Variants in PIP4K2A observed in about 807,000 individuals in gnomAD.
The protein encoded by PIP4K2A is phosphatidylinositol 5-phosphate 4-kinase type-2 alpha.
Under a neutral mutation model 42.9 loss-of-function variants are expected in PIP4K2A, and 14 were observed. The observed-to-expected ratio is 0.33, with a 90% CI of 0.22 to 0.51. The LOEUF (loss-of-function observed/expected upper bound fraction) is 0.51. Among genes scored for constraint, PIP4K2A ranks in the 20% least tolerant of loss-of-function variants. The probability of loss-of-function intolerance (pLI) is 0.97; values close to 1 mark genes in which losing one functional copy is unlikely to be tolerated. For missense variants in PIP4K2A, 434 were observed against 519.8 expected, an observed-to-expected ratio of 0.83 and a Z score of 1.61; for synonymous variants, 192 against 192.2, an observed-to-expected ratio of 1.00 and a Z score of 0.01.
chr10:22,560,710 A>C (rs1836669081), intron 6 of PIP4K2A, among the ~76,000 whole-genome samples: 1 of 152,246 alleles, frequency 6.6e-6, no homozygotes, highest in Non-Finnish European at 1.5e-5. Flanking sequence ...GTATGTTAAA[A>C]GGGATCTTCT....
Position 22,646,622 on chromosome 10 carries a change from T to C in PIP4K2A, c.145-36905A>G, listed in dbSNP as rs114911983. Among the ~76,000 whole-genome samples, 384 of 152,262 alleles carry C rather than the reference T, an allele frequency of 2.5e-3. 1 individual carries two copies. Among genetic ancestry groups the C allele is most frequent in the African/African-American group, 8.9e-3 (370 of 41,556 alleles). The stretch of plus-strand genomic sequence containing the variant: ...GAGAATAGTTGTTTAGAAGGCTAAT[T>C]TGGTTATCAGAGAGTAAAAGCCACA... On this transcript the variant is annotated intron_variant, in intron 1 of 9. Coordinates refer to ENST00000376573, the MANE Select transcript of PIP4K2A (RefSeq NM_005028.5).
At chr10:22,667,865 CTGTGTGTGTGTGTGTGTGTGTGTG>C (rs10603287) in intron 1 of PIP4K2A, among the ~76,000 whole-genome samples, 335 of 132,636 alleles carry the variant, frequency 2.5e-3, no homozygotes, top group African/African-American at 8.7e-3. Flanking sequence ...CAGTGAACTT[CTGTGTGTGTGTGTGTGTGTGTGTG>C]TGTGTGTGTG....
At chr10:22,626,078 G>C (rs952970513) in intron 1 of PIP4K2A, among the ~76,000 whole-genome samples, 1 of 152,052 alleles carries the variant, frequency 6.6e-6, no homozygotes, top group African/African-American at 2.4e-5. Flanking sequence ...GCCATCCTGC[G>C]TGGTCCCGCT....
intron 1 of PIP4K2A, among the ~76,000 whole-genome samples, chr10:22,644,094 G>A (rs1251574743): frequency 2.6e-5 from 4 of 152,054 alleles, no homozygotes; most frequent in Non-Finnish European, 4.4e-5. Flanking sequence ...ACGTAAATAT[G>A]AAGTCCTGTT....
chr10:22,591,068 T>C (rs991895802), intron 4 of PIP4K2A, among the ~76,000 whole-genome samples: 1 of 152,240 alleles, frequency 6.6e-6, no homozygotes, highest in Non-Finnish European at 1.5e-5. Context: ...GACAGATTGC[T>C]GCTCCCAAGG....
At chr10:22,585,567 C>G (rs111780778) in intron 4 of PIP4K2A, among the ~76,000 whole-genome samples, 4,863 of 152,004 alleles carry the variant, frequency 0.032, 267 homozygotes, top group African/African-American at 0.11. Context: ...ATTCTAAGTC[C>G]TATACAACTT....
intron 1 of PIP4K2A, among the ~76,000 whole-genome samples, chr10:22,616,308 C>A (rs965026323): frequency 5.9e-5 from 9 of 152,162 alleles, no homozygotes; most frequent in African/African-American, 1.9e-4. Flanking sequence ...AACCTTACGG[C>A]TCATGCTAGG....
chr10:22,539,773 A>G (rs1336188229), intron 9 of PIP4K2A, 198 bp downstream of exon 9: 2 of 592,760 alleles, frequency 3.4e-6, no homozygotes, highest in Admixed American at 2.9e-5. Context: ...CGCTCAGAAC[A>G]TGACTTGCCC....
At chr10:22,688,457 C>T (rs1839802277) in intron 1 of PIP4K2A, among the ~76,000 whole-genome samples, 3 of 152,112 alleles carry the variant, frequency 2.0e-5, no homozygotes, top group Admixed American at 2.0e-4. Context: ...GCATGAAATA[C>T]TGATTGACTG....
chr10:22,648,909 T>C lies in PIP4K2A; in HGVS notation c.145-39192A>G, dbSNP rs577289497. ...ATCATCAGAACGTAGCCCAAAGCCA[T>C]GCCATTTGCTTGAGGGCAGAAAGCA... On this transcript the variant is annotated intron_variant, in intron 1 of 9. Transcript: ENST00000376573. Among the ~76,000 whole-genome samples the C allele has an allele frequency of 2.6e-5, 4 of 152,318 alleles. No individual in the cohort carries two copies. In the South Asian group the frequency reaches 8.3e-4, roughly 32 times the overall value.
intron 3 of PIP4K2A, among the ~76,000 whole-genome samples, chr10:22,594,521 G>A (rs1484177658): frequency 6.6e-6 from 1 of 152,164 alleles, no homozygotes; most frequent in Non-Finnish European, 1.5e-5. Flanking sequence ...TCTGCCTCCT[G>A]AGTAGCTGGG....
chr10:22,549,822 CAGTG>C (rs1836353942), intron 7 of PIP4K2A, among the ~76,000 whole-genome samples: 1 of 99,890 alleles, frequency 1.0e-5, no homozygotes, highest in African/African-American at 3.7e-5. Flanking sequence ...GCCTAGAAGA[CAGTG>C]AGAATCCATC....
At chr10:22,627,008 T>G (rs142390757) in intron 1 of PIP4K2A, among the ~76,000 whole-genome samples, 230 of 152,304 alleles carry the variant, frequency 1.5e-3, no homozygotes, top group African/African-American at 5.3e-3. Flanking sequence ...AAAAGGGCAT[T>G]TGCCATCACA....
chr10:22,627,591 TAAAAAAAAAAAAAAAAAAAAAAAAAAAAA>T (rs57671642), intron 1 of PIP4K2A, among the ~76,000 whole-genome samples: 1 of 56,994 alleles, frequency 1.8e-5, no homozygotes, highest in African/African-American at 6.5e-5. Context: ...TAATATGTAA[TAAAAAAAAAAAAAAAAAAAAAAAAAAAAA>T]AAAAAAAAAA....
At chr10:22,613,937 C>T (rs769746519) in intron 1 of PIP4K2A, among the ~76,000 whole-genome samples, 12 of 152,196 alleles carry the variant, frequency 7.9e-5, no homozygotes, top group Non-Finnish European at 1.8e-4. Context: ...AAGGAGTTTT[C>T]CACTGTAGTC....
intron 1 of PIP4K2A, among the ~76,000 whole-genome samples, chr10:22,658,949 G>A (rs1180252496): frequency 6.6e-6 from 1 of 152,196 alleles, no homozygotes; most frequent in Non-Finnish European, 1.5e-5. Flanking sequence ...GGGCTCCATA[G>A]GGTTCCTAAG....
At chr10:22,597,876 A>G (rs1396555475) in intron 3 of PIP4K2A, among the ~76,000 whole-genome samples, 2 of 152,186 alleles carry the variant, frequency 1.3e-5, no homozygotes, top group East Asian at 3.9e-4. Flanking sequence ...TCTCCAAAGT[A>G]AAATATTCAC....
intron 1 of PIP4K2A, among the ~76,000 whole-genome samples, chr10:22,647,366 G>C (rs534687984): frequency 2.6e-5 from 4 of 152,064 alleles, no homozygotes; most frequent in Non-Finnish European, 5.9e-5. Flanking sequence ...GTGTTTTCAA[G>C]CTCTGTCTTA....
intron 4 of PIP4K2A, among the ~76,000 whole-genome samples, chr10:22,585,265 T>G (rs1162057265): frequency 1.3e-5 from 2 of 152,156 alleles, no homozygotes; most frequent in South Asian, 2.1e-4. Flanking sequence ...AGAAGTCACA[T>G]GTTTGCCCTA....
Sources: allele counts gnomAD v4.1 joint callset (sites outside exome capture counted in the v4.1 genomes callset), GRCh38; gene constraint gnomAD v4.1.1; transcripts MANE v1.5; gene names NCBI Gene and HGNC (gene_info 2026-07-23, HGNC 2026-07-21).